PWWP3A: variants seen among roughly 807,000 people sequenced by gnomAD.
PWWP3A encodes PWWP domain-containing DNA repair factor 3A.
Under a neutral mutation model 79.0 loss-of-function variants are expected in PWWP3A, and 53 were observed. The observed-to-expected ratio is 0.67, with a 90% CI of 0.54 to 0.84. The LOEUF is 0.84. Ranked by LOEUF, PWWP3A falls within the 40% of genes least tolerant of loss-of-function variation. The pLI is 0.00. For synonymous variants in PWWP3A, 443 were observed against 394.4 expected, an observed-to-expected ratio of 1.12 and a Z score of -1.46; for missense variants, 973 against 948.0, an observed-to-expected ratio of 1.03 and a Z score of -0.35.
intron 5 of PWWP3A, 184 bp from the exon 6 acceptor site, chr19:1,362,066 G>A (rs917843120): frequency 4.8e-6 from 2 of 414,592 alleles, no homozygotes; most frequent in African/African-American, 4.1e-5. Context: ...CTTCCCTCTT[G>A]CGTTTTTCTT....
chr19:1,367,350 G>GC, intron 9 of PWWP3A, 130 bp downstream of exon 9: 1 of 746,748 alleles, frequency 1.3e-6, no homozygotes, highest in South Asian at 1.8e-5. Context: ...AAGTAGCAGA[G>GC]CCAGGCTGCG....
chr19:1,376,167 C>T (rs2144782456), intron 13 of PWWP3A, among the ~76,000 whole-genome samples: 1 of 148,970 alleles, frequency 6.7e-6, no homozygotes, highest in South Asian at 2.1e-4. Flanking sequence ...GCTCTGTCGC[C>T]CAGGCTGGAG....
At chr19:1,365,797 G>A (rs1219035810) in intron 7 of PWWP3A, among the ~76,000 whole-genome samples, 1 of 152,272 alleles carries the variant, frequency 6.6e-6, no homozygotes, top group East Asian at 1.9e-4. Flanking sequence ...AGAGCGCAGG[G>A]CGGAAGGGCC....
chr19:1,358,347 T>A (rs1386637773), intron 3 of PWWP3A, 47 bp from the exon 4 acceptor site: 9 of 1,492,072 alleles, frequency 6.0e-6, no homozygotes, highest in Non-Finnish European at 8.3e-6. Flanking sequence ...TGAAAATGTC[T>A]TGGCGGCGTT....
At position 1,356,385 on chromosome 19, in the gene PWWP3A, T is replaced by C. The variant is rs761802805; in HGVS notation, c.-8T>C. On this transcript the variant is annotated 5_prime_UTR_variant, in exon 2 of 14. Transcript: ENST00000591337. Reference sequence around the variant, plus strand: ...AAATCATTGCCACTTGCCACATGAGTGTAAATGATGGCGGATGCCAAGTAT... The same window carrying C: ...AAATCATTGCCACTTGCCACATGAGCGTAAATGATGGCGGATGCCAAGTAT... The C allele has an allele frequency of 1.9e-6, 3 of 1,613,940 alleles. No individual in the cohort carries two copies. Among genetic ancestry groups the C allele is most frequent in the African/African-American group, 2.7e-5 (2 of 74,888 alleles).
Position 1,369,157 on chromosome 19 carries a change from C to A in PWWP3A, c.1423-108C>A. ...GGAGGGTCAGAGGTGCGGGCTGGAGCGTGAGCAGCCTGGACACCTGGCTGG... is the reference window on the plus strand; with the variant it reads ...GGAGGGTCAGAGGTGCGGGCTGGAGAGTGAGCAGCCTGGACACCTGGCTGG... On this transcript the variant is annotated intron_variant, in intron 9 of 13. Transcript: ENST00000591337. This position sits in a 1 kb window ranked among gnomAD's most constrained non-coding sequence, Gnocchi z 4.0. The A allele has an allele frequency of 1.0e-6, 1 of 961,522 alleles. No homozygotes were observed. Among genetic ancestry groups the A allele is most frequent in the Non-Finnish European group, 1.6e-6 (1 of 611,934 alleles). The allele number at this position is 961,522 out of a possible 1,614,324, so 59.6% of individuals were successfully genotyped here.
At chr19:1,366,930 C>T (rs528576387) in intron 8 of PWWP3A, among the ~76,000 whole-genome samples, 239 of 152,328 alleles carry the variant, frequency 1.6e-3, no homozygotes, top group Non-Finnish European at 2.2e-3. Context: ...ACCCAGGCCC[C>T]GAGGTCGGCC....
intron 11 of PWWP3A, 87 bp from the exon 12 acceptor site, chr19:1,370,555 T>C (rs1292410435): frequency 4.0e-6 from 5 of 1,240,924 alleles, no homozygotes; most frequent in Non-Finnish European, 5.4e-6. Context: ...ATCCCTGCCA[T>C]GTCGCAGCCT....
At chr19:1,364,212 C>T (rs774605011) in intron 6 of PWWP3A, 1 of 580,386 alleles carries the variant, frequency 1.7e-6, no homozygotes, top group Non-Finnish European at 3.3e-6. Context: ...AGAGCCCCAG[C>T]CGCCCCTCGT....
At position 1,369,670 on chromosome 19, in the gene PWWP3A, A is replaced by G; in HGVS notation, c.1549+24A>G. 1 of 1,613,732 alleles carries G rather than the reference A, an allele frequency of 6.2e-7. No homozygotes were observed. Among genetic ancestry groups the G allele is most frequent in the Non-Finnish European group, 8.5e-7 (1 of 1,179,578 alleles). On this transcript the variant is annotated intron_variant, in intron 11 of 13. Transcript: ENST00000591337. The surrounding 1 kb of genome is among the most constrained non-coding windows in gnomAD (Gnocchi z 4.0). The stretch of plus-strand genomic sequence containing the variant: ...AAGTAAGTCTACAGGCACATCTTGG[A>G]AAATGTGGTTTGCCTTTTAGCCCTT...
chr19:1,362,320 C>T lies in PWWP3A; in HGVS notation c.1182C>T (p.Asp394=), dbSNP rs146011737. Residue 394 remains aspartate, a synonymous_variant, in exon 6 of 14, where the codon GAC becomes GAT. Coordinates refer to ENST00000591337, the MANE Select transcript of PWWP3A (RefSeq NM_001369789.1). The part of the protein sequence containing the change: ...MRSILEEDEE[D]EEPPRVLLYH... Reference sequence around the variant, plus strand: ...CTATCCTGGAGGAAGACGAGGAAGACGAGGAGCCACCAAGAGTCCTTTTAT... The same window carrying T: ...CTATCCTGGAGGAAGACGAGGAAGATGAGGAGCCACCAAGAGTCCTTTTAT... The T allele has an allele frequency of 1.0e-4, 166 of 1,614,054 alleles. 2 individuals are homozygous for T. The highest frequency in any genetic ancestry group is 8.0e-4 in the East Asian group (36 of 44,882).
At chr19:1,374,601 C>T (rs1470093548) in intron 13 of PWWP3A, among the ~76,000 whole-genome samples, 1 of 152,154 alleles carries the variant, frequency 6.6e-6, no homozygotes, top group Non-Finnish European at 1.5e-5. Context: ...CTGGGGCGCA[C>T]ATCAGAGCCA....
chr19:1,355,248 C>G (rs898380682), intron 1 of PWWP3A, 113 bp downstream of exon 1: 1 of 152,392 alleles, frequency 6.6e-6, no homozygotes, highest in Admixed American at 6.5e-5. Context: ...AGCGCCCGGT[C>G]CCTACCGCCG....
intron 12 of PWWP3A, 197 bp from the exon 13 acceptor site, chr19:1,372,875 A>G (rs1018370336): frequency 4.2e-5 from 24 of 576,424 alleles, no homozygotes; most frequent in Non-Finnish European, 4.9e-5. Context: ...AGTCCGAAAG[A>G]TAGTACTGAT....
chr19:1,376,317 T>TTTTG lies in PWWP3A; in HGVS notation c.2076-199_2076-198insGTTT, dbSNP rs2082399544. On this transcript the variant is annotated intron_variant, in intron 13 of 13. Transcript: ENST00000591337. Reference sequence around the variant, plus strand: ...TTTGTTTTTTTTTTTGTTTGTTTTTTTTTTTTTTTGGTATTTTTTGTAGAG... The same window carrying TTTTG: ...TTTGTTTTTTTTTTTGTTTGTTTTTTTTTGTTTTTTTTTGGTATTTTTTGTAGAG... Among the ~76,000 whole-genome samples, 4 of 135,858 alleles carry TTTTG rather than the reference T, an allele frequency of 2.9e-5. No individual in the cohort carries two copies. In the South Asian group the frequency reaches 1.0e-3, roughly 34 times the overall value. 89.1% of individuals were successfully genotyped at this position (135,858 alleles called of 152,430 possible).
At position 1,378,153 on chromosome 19, in the gene PWWP3A, C is replaced by A. The variant is rs2082438532; in HGVS notation, c.*1577C>A. On this transcript the variant is annotated 3_prime_UTR_variant, in exon 14 of 14. Transcript: ENST00000591337. ...GGGTCAGGGCTGTCGGCCTTGGCCCCCTGCTGGTCGCTGTTTCGGGGACTC... is the reference window on the plus strand; with the variant it reads ...GGGTCAGGGCTGTCGGCCTTGGCCCACTGCTGGTCGCTGTTTCGGGGACTC... The A allele has an allele frequency of 6.6e-6, 1 of 152,342 alleles. No individual in the cohort carries two copies. The allele number at this position is 152,342 out of a possible 1,614,324, so 9.4% of individuals were successfully genotyped here.
chr19:1,356,494 C>T (rs761787003), intron 2 of PWWP3A, 45 bp downstream of exon 2: 11 of 1,586,892 alleles, frequency 6.9e-6, no homozygotes, highest in Middle Eastern at 1.7e-4. Flanking sequence ...AAATGACTTT[C>T]GGGTGACAAG....
intron 12 of PWWP3A, chr19:1,371,486 T>A (rs148839220): frequency 1.5e-6 from 1 of 680,146 alleles, no homozygotes; most frequent in Non-Finnish European, 2.7e-6. Context: ...AAACTGTAAG[T>A]GGATAATGCG....
Position 1,366,337 on chromosome 19 carries a change from A to G in PWWP3A, c.1317A>G (p.Ala439=), listed in dbSNP as rs145161677. The change falls in exon 8 of 14, where the codon GCA becomes GCG. Residue 439 remains alanine, a synonymous_variant. Transcript: ENST00000591337. The part of the protein sequence containing the change: ...VKSVRQRDKK[A]SVLYIEGHMN... ...GCGTCAGGCAGAGAGATAAGAAAGC[A>G]AGTGTGCTATACATCGAAGGACACA... 4 of 1,614,122 alleles carry G rather than the reference A, an allele frequency of 2.5e-6. No individual in the cohort carries two copies. The highest frequency in any genetic ancestry group is 3.4e-6 in the Non-Finnish European group (4 of 1,180,034).
Sources: allele counts gnomAD v4.1 joint callset (sites outside exome capture counted in the v4.1 genomes callset), GRCh38; gene constraint gnomAD v4.1.1; non-coding constraint Gnocchi (gnomAD v3.1); transcripts MANE v1.5; gene names NCBI Gene and HGNC (gene_info 2026-07-23, HGNC 2026-07-21).